SPG21: variants seen among roughly 807,000 people sequenced by gnomAD.
SPG21 encodes the protein SPG21 abhydrolase domain containing, maspardin, also known as maspardin.
In SPG21, 26 loss-of-function variants were observed where a neutral mutation model predicts 38.9. The observed-to-expected ratio is 0.67, with a 90% CI of 0.49 to 0.93. The LOEUF (loss-of-function observed/expected upper bound fraction) is 0.93, where lower values mean the gene tolerates loss of function less well. Ranked by LOEUF, SPG21 falls within the 40% of genes least tolerant of loss-of-function variation. SPG21 has a pLI of 0.00. For missense variants in SPG21, 333 were observed against 376.5 expected (o/e 0.88, Z 0.96); for synonymous variants, 136 against 128.9 (o/e 1.05, Z -0.37).
Position 64,967,433 on chromosome 15 carries a change from G to A in SPG21, c.669+1822C>T, listed in dbSNP as rs2085562272. Among the ~76,000 whole-genome samples the A allele has an allele frequency of 2.0e-5, 3 of 151,350 alleles. No individual in the cohort carries two copies. In the South Asian group the frequency reaches 6.2e-4, roughly 32 times the overall value. On this transcript the variant is annotated intron_variant, in intron 7 of 8. Coordinates refer to ENST00000204566, the MANE Select transcript of SPG21 (RefSeq NM_016630.7). ...CCACCTCAACCTCCCAAGTAGCTGG[G>A]ATCACAGGGATGTGGCACCATGTCC... is the stretch of plus-strand genomic sequence containing the variant.
intron 5 of SPG21, among the ~76,000 whole-genome samples, chr15:64,973,237 G>A (rs1290161901): frequency 6.6e-6 from 1 of 152,168 alleles, no homozygotes; most frequent in Non-Finnish European, 1.5e-5. Context: ...CCAAAGTGTT[G>A]GGAGTACGGC....
intron 3 of SPG21, 105 bp downstream of exon 3, chr15:64,980,759 A>G: frequency 6.0e-6 from 8 of 1,326,364 alleles, no homozygotes; most frequent in Non-Finnish European, 8.4e-6. Context: ...AAACAAACAA[A>G]CAAACAAACA....
At chr15:64,986,012 T>A (rs911314395) in intron 1 of SPG21, among the ~76,000 whole-genome samples, 1 of 152,330 alleles carries the variant, frequency 6.6e-6, no homozygotes, top group South Asian at 2.1e-4. Flanking sequence ...TGAAAATTAG[T>A]GTGCACAGAT....
At chr15:64,967,011 T>C (rs1216047283) in intron 7 of SPG21, among the ~76,000 whole-genome samples, 3 of 152,020 alleles carry the variant, frequency 2.0e-5, no homozygotes, top group Admixed American at 6.6e-5. Flanking sequence ...ATTGAAACCA[T>C]AGTGAGATAC....
At chr15:64,968,498 A>G (rs1460069145) in intron 7 of SPG21, among the ~76,000 whole-genome samples, 1 of 152,208 alleles carries the variant, frequency 6.6e-6, no homozygotes, top group Non-Finnish European at 1.5e-5. Context: ...GTAAATTTTT[A>G]TAGACAGAAA....
chr15:64,980,867 G>A lies in SPG21; in HGVS notation c.222C>T (p.Ile74=), dbSNP rs1253019869. 8 of 1,612,644 alleles carry A rather than the reference G, an allele frequency of 5.0e-6. No individual in the cohort carries two copies. Among genetic ancestry groups the A allele is most frequent in the Non-Finnish European group, 5.9e-6 (7 of 1,179,880 alleles). ...LALTGWGYRV[I]ALQYPVYWDH... ...AATTTTAATCAGTAATACTTACAGC[G>A]ATAACCCGGTAACCCCATCCAGTCA... The change falls in exon 3 of 9, where the codon ATC becomes ATT. Residue 74 remains isoleucine, a synonymous_variant. Coordinates refer to ENST00000204566, the MANE Select transcript of SPG21 (RefSeq NM_016630.7).
intron 5 of SPG21, among the ~76,000 whole-genome samples, chr15:64,974,082 C>T (rs2085726960): frequency 6.6e-6 from 1 of 151,156 alleles, no homozygotes; most frequent in African/African-American, 2.5e-5. Context: ...GAATATTAAA[C>T]AAAATTTAAA....
chr15:64,980,863 C>G lies in SPG21; in HGVS notation c.225+1G>C. The G allele has an allele frequency of 6.2e-7, 1 of 1,612,356 alleles. No homozygotes were observed. Among genetic ancestry groups the G allele is most frequent in the East Asian group, 2.2e-5 (1 of 44,840 alleles). On this transcript the variant is annotated splice_donor_variant, in intron 3 of 8. Coordinates refer to ENST00000204566, the MANE Select transcript of SPG21 (RefSeq NM_016630.7). LOFTEE classifies it high-confidence loss of function. ...TCTGAATTTTAATCAGTAATACTTA[C>G]AGCGATAACCCGGTAACCCCATCCA...
At chr15:64,967,602 T>C (rs756923467) in intron 7 of SPG21, among the ~76,000 whole-genome samples, 4 of 152,000 alleles carry the variant, frequency 2.6e-5, no homozygotes, top group Non-Finnish European at 5.9e-5. Flanking sequence ...GCCTCCCGAA[T>C]AGCTGGGACT....
At chr15:64,967,617 G>A (rs2085568667) in intron 7 of SPG21, among the ~76,000 whole-genome samples, 1 of 152,182 alleles carries the variant, frequency 6.6e-6, no homozygotes, top group African/African-American at 2.4e-5. Flanking sequence ...GGGACTACAG[G>A]TGTGTGCCAC....
At chr15:64,988,201 G>A (rs570572703) in intron 1 of SPG21, among the ~76,000 whole-genome samples, 1 of 151,918 alleles carries the variant, frequency 6.6e-6, no homozygotes, top group Non-Finnish European at 1.5e-5. Context: ...CAGCCTGGGC[G>A]ACAGAGTGAG....
At chr15:64,985,241 T>A (rs977458220) in intron 1 of SPG21, among the ~76,000 whole-genome samples, 2 of 152,272 alleles carry the variant, frequency 1.3e-5, no homozygotes, top group African/African-American at 4.8e-5. Flanking sequence ...CTGGTTTTCA[T>A]AGCTCTGTGA....
chr15:64,967,921 T>C (rs1261610343), intron 7 of SPG21, among the ~76,000 whole-genome samples: 1 of 152,174 alleles, frequency 6.6e-6, no homozygotes, highest in African/African-American at 2.4e-5. Flanking sequence ...CATATACTTT[T>C]ACACCAATGT....
At chr15:64,981,289 CTTT>C (rs34703670) in intron 2 of SPG21, 3,156 of 277,784 alleles carry the variant, frequency 0.011, no homozygotes, top group Middle Eastern at 0.019. Context: ...CCCCCTCCTC[CTTT>C]TTTTTTTTTT....
chr15:64,967,813 C>A (rs1056528748), intron 7 of SPG21, among the ~76,000 whole-genome samples: 6 of 152,104 alleles, frequency 3.9e-5, no homozygotes, highest in African/African-American at 1.4e-4. Context: ...TCCTGTATTG[C>A]CCAGACTGGT....
intron 1 of SPG21, among the ~76,000 whole-genome samples, chr15:64,988,419 C>A (rs1192778039): frequency 6.6e-6 from 1 of 152,160 alleles, no homozygotes; most frequent in Non-Finnish European, 1.5e-5. Context: ...TGTGGAAAAT[C>A]TGTGCTTATA....
At chr15:64,987,431 C>T (rs565108045) in intron 1 of SPG21, 19 of 152,326 alleles carry the variant, frequency 1.2e-4, no homozygotes, top group African/African-American at 4.3e-4. Context: ...AAAGTTTGTT[C>T]TCCTAGCTCT....
intron 8 of SPG21, 150 bp downstream of exon 8, chr15:64,965,170 T>C: frequency 9.5e-7 from 1 of 1,056,350 alleles, no homozygotes; most frequent in Non-Finnish European, 1.4e-6. Context: ...CTACAAGTTA[T>C]AAATGTAAAC....
chr15:64,975,398 C>T (rs4544196), intron 4 of SPG21, among the ~76,000 whole-genome samples: 74,413 of 150,926 alleles, frequency 0.49, 19,265 homozygotes, highest in East Asian at 0.85. Flanking sequence ...CATGGTGGTA[C>T]GTGCCTAGAG....
Sources: gnomAD v4.1 joint callset for allele counts (sites outside exome capture counted in the v4.1 genomes callset) on GRCh38, gnomAD v4.1.1 for gene constraint, MANE v1.5 for transcripts, NCBI Gene and HGNC (gene_info 2026-07-23, HGNC 2026-07-21) for gene names.